TMPRSS15: variants seen among roughly 807,000 people sequenced by gnomAD.
TMPRSS15 encodes the protein transmembrane serine protease 15.
Under a neutral mutation model 125.3 loss-of-function variants are expected in TMPRSS15, and 128 were observed. The observed-to-expected ratio is 1.02, with a 90% CI of 0.89 to 1.18. The LOEUF (loss-of-function observed/expected upper bound fraction) is 1.18, where lower values mean the gene tolerates loss of function less well. TMPRSS15 is among the 50% of genes most tolerant of loss of function. The pLI is 0.00. For synonymous variants in TMPRSS15, 446 were observed against 423.2 expected (o/e 1.05, Z -0.66); for missense variants, 1,283 against 1,212.7 (o/e 1.06, Z -0.86).
At chr21:18,474,645 A>G (rs1978843687) in intron 1 of TMPRSS15, among the ~76,000 whole-genome samples, 1 of 152,168 alleles carries the variant, frequency 6.6e-6, no homozygotes, top group Non-Finnish European at 1.5e-5. Context: ...GGTGGCTGTT[A>G]TGATCAACAA....
chr21:18,410,281 G>C (rs547718666), intron 1 of TMPRSS15, among the ~76,000 whole-genome samples: 12 of 151,886 alleles, frequency 7.9e-5, no homozygotes, highest in Admixed American at 5.2e-4. Flanking sequence ...CTAATGTGAG[G>C]TTTATTCTAT....
intron 1 of TMPRSS15, among the ~76,000 whole-genome samples, chr21:18,400,080 C>G (rs985911787): frequency 5.9e-5 from 9 of 152,038 alleles, no homozygotes; most frequent in African/African-American, 2.2e-4. Flanking sequence ...AATCAGATAA[C>G]ACAAACAAAT....
At chr21:18,316,476 C>T (rs2075168159) in intron 16 of TMPRSS15, among the ~76,000 whole-genome samples, 1 of 151,706 alleles carries the variant, frequency 6.6e-6, no homozygotes, top group Non-Finnish European at 1.5e-5. Flanking sequence ...TCAATTAAAG[C>T]TTGGTCAGGC....
chr21:18,325,697 C>T (rs561992899), intron 16 of TMPRSS15, among the ~76,000 whole-genome samples: 37 of 151,764 alleles, frequency 2.4e-4, no homozygotes, highest in African/African-American at 7.3e-4. Context: ...ACTGAGTTGC[C>T]GGGCAGTTCT....
chr21:18,449,839 C>T (rs539384340), intron 1 of TMPRSS15, among the ~76,000 whole-genome samples: 3 of 148,088 alleles, frequency 2.0e-5, no homozygotes, highest in South Asian at 4.3e-4. Context: ...ACTCAGTAAA[C>T]TCATGAATCT....
At position 18,414,189 on chromosome 21, in the gene TMPRSS15, G is replaced by GT. The variant is rs552015512; in HGVS notation, c.11-15861dup. Reference sequence around the variant, plus strand: ...AGGTGTTTATACTCCATTTTTAACAGTTTTTTTTAAGATACACACCACTGC... The same window carrying GT: ...AGGTGTTTATACTCCATTTTTAACAGTTTTTTTTTAAGATACACACCACTGC... On this transcript the variant is annotated intron_variant, in intron 1 of 7. Coordinates refer to the TMPRSS15 transcript ENST00000422787. Among the ~76,000 whole-genome samples the GT allele has an allele frequency of 5.3e-4, 81 of 151,694 alleles. No homozygotes were observed. In the East Asian group the frequency reaches 0.011, roughly 20 times the overall value.
chr21:18,380,490 G>C (rs1172488811), intron 4 of TMPRSS15: 3 of 463,542 alleles, frequency 6.5e-6, no homozygotes, highest in South Asian at 4.7e-5. Context: ...CTAGGTGATA[G>C]AGTTTGATGA....
At chr21:18,365,478 CTT>C (rs1218677479) in intron 6 of TMPRSS15, among the ~76,000 whole-genome samples, 2 of 151,946 alleles carry the variant, frequency 1.3e-5, no homozygotes, top group East Asian at 3.9e-4. Context: ...CTCTTTCTCT[CTT>C]TCTTTCTCCT....
intron 18 of TMPRSS15, among the ~76,000 whole-genome samples, chr21:18,300,871 A>G (rs1414882911): frequency 1.3e-5 from 2 of 152,100 alleles, no homozygotes; most frequent in Non-Finnish European, 2.9e-5. Context: ...GGTATTCAGT[A>G]AATGCCACTT....
intron 14 of TMPRSS15, among the ~76,000 whole-genome samples, chr21:18,331,072 C>CA (rs34006357): frequency 0.038 from 3,364 of 89,548 alleles, 119 homozygotes; most frequent in African/African-American, 0.065. Context: ...GACTCCATCT[C>CA]AAAAAAAAAA....
At chr21:18,425,416 C>A (rs941628424) in intron 1 of TMPRSS15, among the ~76,000 whole-genome samples, 2 of 151,958 alleles carry the variant, frequency 1.3e-5, no homozygotes, top group African/African-American at 4.8e-5. Flanking sequence ...TAAGTAATAT[C>A]AATAATTAAT....
intron 1 of TMPRSS15, among the ~76,000 whole-genome samples, chr21:18,423,494 C>T (rs2076196527): frequency 1.3e-5 from 2 of 151,330 alleles, no homozygotes; most frequent in African/African-American, 2.4e-5. Context: ...CTGCAAGCTC[C>T]GCCTCCCGGG....
chr21:18,378,197 A>G (rs2075861579), intron 5 of TMPRSS15, among the ~76,000 whole-genome samples: 1 of 152,118 alleles, frequency 6.6e-6, no homozygotes. Flanking sequence ...TTTTAAACCA[A>G]AAGAATTAAC....
intron 3 of TMPRSS15, among the ~76,000 whole-genome samples, chr21:18,387,932 T>C (rs772621703): frequency 1.3e-5 from 2 of 152,158 alleles, no homozygotes; most frequent in Non-Finnish European, 2.9e-5. Context: ...TTAAAATAAT[T>C]TATAAAGTTA....
chr21:18,480,916 A>G (rs79538026), intron 1 of TMPRSS15, among the ~76,000 whole-genome samples: 3 of 151,880 alleles, frequency 2.0e-5, no homozygotes, highest in African/African-American at 7.2e-5. Flanking sequence ...ACATTAATCA[A>G]AAAGATAGCA....
At chr21:18,396,550 G>A (rs1569055291) in intron 3 of TMPRSS15, among the ~76,000 whole-genome samples, 3 of 151,900 alleles carry the variant, frequency 2.0e-5, no homozygotes, top group Non-Finnish European at 4.4e-5. Context: ...CGAGGTGGGC[G>A]GATCACGAGG....
intron 1 of TMPRSS15, among the ~76,000 whole-genome samples, chr21:18,401,876 G>C (rs2076097688): frequency 1.3e-5 from 2 of 152,050 alleles, no homozygotes; most frequent in Admixed American, 1.3e-4. Context: ...TCTTTCACTT[G>C]TAAAATAACT....
rs77706974 is a variant in TMPRSS15, at chr21:18,478,906, A to G, written c.10+6893T>C. 4.9e-3 allele frequency among the ~76,000 whole-genome samples: 745 copies of G among 151,990 alleles called. 8 individuals are homozygous for G. Among genetic ancestry groups the G allele is most frequent in the African/African-American group, 0.017 (694 of 41,518 alleles). On this transcript the variant is annotated intron_variant, in intron 1 of 7. Transcript: ENST00000422787. ...TATAAAATTCCTATTTCCCCTTTCA[A>G]CACCCTCCAGACTCTCACAGATATA...
chr21:18,348,548 A>G (rs1399730151), intron 10 of TMPRSS15, among the ~76,000 whole-genome samples: 1 of 152,240 alleles, frequency 6.6e-6, no homozygotes, highest in African/African-American at 2.4e-5. Flanking sequence ...AAACTGATGC[A>G]TGGCCTAAAT....
Sources: allele counts gnomAD v4.1 joint callset (sites outside exome capture counted in the v4.1 genomes callset), GRCh38; gene constraint gnomAD v4.1.1; transcripts MANE v1.5; gene names NCBI Gene and HGNC (gene_info 2026-07-23, HGNC 2026-07-21).